B4GALT6: variants seen among roughly 807,000 people sequenced by gnomAD.
B4GALT6 encodes UDP-Gal:beta-GlcNAc beta-1,4-galactosyltransferase 6.
In B4GALT6, 14 loss-of-function variants were observed where a neutral mutation model predicts 46.3. The ratio of observed to expected loss-of-function variants is 0.30; its 90% CI spans 0.20 to 0.47. B4GALT6 has a LOEUF of 0.47. Ranked by LOEUF, B4GALT6 falls within the 20% of genes least tolerant of loss-of-function variation. The pLI is 0.99. For synonymous variants in B4GALT6, 168 were observed against 162.0 expected (o/e 1.04, Z -0.28); for missense variants, 386 against 480.1 (o/e 0.80, Z 1.83).
At chr18:31,651,606 C>T (rs2074068631) in intron 3 of B4GALT6, among the ~76,000 whole-genome samples, 1 of 152,082 alleles carries the variant, frequency 6.6e-6, no homozygotes, top group Admixed American at 6.5e-5. Flanking sequence ...CCTACCTCTC[C>T]ACCTCATCTC....
At chr18:31,719,605 T>A in the B4GALT6 span, among the ~76,000 whole-genome samples, 1 of 152,192 alleles carries the variant, frequency 6.6e-6, no homozygotes, top group Admixed American at 6.5e-5. Context: ...GAGTAATTCA[T>A]GCAGAGCCAG....
chr18:31,649,281 T>A (rs924201033), intron 3 of B4GALT6, among the ~76,000 whole-genome samples: 4 of 151,386 alleles, frequency 2.6e-5, no homozygotes. Context: ...CAAGTTTTCT[T>A]GAAGCAACCA....
intron 2 of B4GALT6, among the ~76,000 whole-genome samples, chr18:31,662,012 C>T (rs1005396381): frequency 6.6e-6 from 1 of 152,214 alleles, no homozygotes; most frequent in African/African-American, 2.4e-5. Context: ...AAGTGCTCGG[C>T]TCTCTAGACA....
the B4GALT6 span, among the ~76,000 whole-genome samples, chr18:31,717,491 C>A: frequency 6.5e-3 from 993 of 151,806 alleles, 12 homozygotes; most frequent in African/African-American, 0.023. Context: ...AAAACATATA[C>A]CTCAATAAAG....
At chr18:31,664,122 T>C (rs531118964) in intron 2 of B4GALT6, among the ~76,000 whole-genome samples, 15 of 152,248 alleles carry the variant, frequency 9.9e-5, no homozygotes, top group African/African-American at 3.6e-4. Context: ...TTGTTCTTCT[T>C]TGTTCTCGCT....
chr18:31,713,923 T>C, the B4GALT6 span, among the ~76,000 whole-genome samples: 2 of 152,188 alleles, frequency 1.3e-5, no homozygotes, highest in Non-Finnish European at 2.9e-5. Context: ...AAAACAGAAA[T>C]TCAAGTTTTC....
intron 3 of B4GALT6, among the ~76,000 whole-genome samples, chr18:31,653,974 T>G (rs981178752): frequency 6.6e-6 from 1 of 152,242 alleles, no homozygotes; most frequent in Non-Finnish European, 1.5e-5. Flanking sequence ...TTAGCATTAT[T>G]TGAGCTTTGC....
At chr18:31,658,324 A>C (rs145766623) in intron 2 of B4GALT6, 42 of 337,174 alleles carry the variant, frequency 1.2e-4, no homozygotes, top group African/African-American at 8.5e-4. Context: ...TTGCACACAG[A>C]CATGGCAGTC....
At chr18:31,666,811 T>A (rs1435060708) in intron 1 of B4GALT6, among the ~76,000 whole-genome samples, 1 of 152,112 alleles carries the variant, frequency 6.6e-6, no homozygotes, top group Non-Finnish European at 1.5e-5. Flanking sequence ...CCATAATATC[T>A]AGTAGGAATA....
rs534805061 is a variant in B4GALT6, at chr18:31,677,297, T to C, written c.115+7015A>G. ...ACATCCTTTAAGCTAACTCTCCTATTTCAACTGAGAAGGGGGTATTGCTGT... is the reference window on the plus strand; with the variant it reads ...ACATCCTTTAAGCTAACTCTCCTATCTCAACTGAGAAGGGGGTATTGCTGT... On this transcript the variant is annotated intron_variant, in intron 1 of 8. Coordinates refer to ENST00000306851, the MANE Select transcript of B4GALT6 (RefSeq NM_004775.5). Among the ~76,000 whole-genome samples, 11 of 152,310 alleles carry C rather than the reference T, an allele frequency of 7.2e-5. No individual in the cohort carries two copies. In the South Asian group the frequency reaches 2.3e-3, roughly 32 times the overall value.
the B4GALT6 span, among the ~76,000 whole-genome samples, chr18:31,696,062 A>G: frequency 6.6e-6 from 1 of 152,214 alleles, no homozygotes; most frequent in East Asian, 1.9e-4. Context: ...ACAGACACAC[A>G]ATCCCTGGGA....
chr18:31,718,432 T>C, the B4GALT6 span, among the ~76,000 whole-genome samples: 1 of 152,192 alleles, frequency 6.6e-6, no homozygotes, highest in Non-Finnish European at 1.5e-5. Context: ...GTTGACTTAT[T>C]TCTTTTATTT....
the B4GALT6 span, among the ~76,000 whole-genome samples, chr18:31,715,537 C>CTTT: frequency 2.8e-3 from 139 of 49,622 alleles, 16 homozygotes; most frequent in African/African-American, 9.4e-3. Context: ...CTGGAACTGT[C>CTTT]TTTTTTTTTT....
intron 5 of B4GALT6, among the ~76,000 whole-genome samples, chr18:31,634,227 G>A (rs981312885): frequency 4.6e-5 from 7 of 152,184 alleles, no homozygotes; most frequent in South Asian, 2.1e-4. Flanking sequence ...ACACAGGTGC[G>A]TCAGCACTCT....
At chr18:31,634,546 C>G (rs1432575651) in intron 5 of B4GALT6, among the ~76,000 whole-genome samples, 1 of 152,130 alleles carries the variant, frequency 6.6e-6, no homozygotes, top group Non-Finnish European at 1.5e-5. Flanking sequence ...CTGACTTAAC[C>G]GAAACGTGTG....
chr18:31,687,528 T>C (rs3810003), upstream of B4GALT6, among the ~76,000 whole-genome samples: 1,745 of 152,300 alleles, frequency 0.011, 48 homozygotes, highest in East Asian at 0.1. Flanking sequence ...TCAACTGATA[T>C]TTCCTCAGGA....
intron 2 of B4GALT6, among the ~76,000 whole-genome samples, chr18:31,663,778 C>A (rs2074247989): frequency 1.3e-5 from 2 of 152,172 alleles, no homozygotes; most frequent in South Asian, 4.1e-4. Context: ...ATGTTTCCAT[C>A]TCTCCCAGAG....
Position 31,625,039 on chromosome 18 carries a change from G to A in B4GALT6, c.*575C>T, listed in dbSNP as rs1270438822. The A allele has an allele frequency of 2.6e-5, 4 of 152,616 alleles. No individual in the cohort carries two copies. The highest frequency in any genetic ancestry group is 4.1e-4 in the South Asian group (2 of 4,830). 9.5% of individuals were successfully genotyped at this position (152,616 alleles called of 1,614,324 possible). A position where few individuals can be genotyped will look rare whatever the true frequency, so the allele number is the denominator to read the frequency against. On this transcript the variant is annotated 3_prime_UTR_variant, in exon 9 of 9. Transcript: ENST00000306851. ...TGACTTCTTCCACACAAAAGGCTGA[G>A]GTCTAAAGCTCAAAACTAGTATAAC... is the stretch of plus-strand genomic sequence containing the variant.
At chr18:31,649,909 A>G (rs1207324979) in intron 3 of B4GALT6, among the ~76,000 whole-genome samples, 1 of 152,252 alleles carries the variant, frequency 6.6e-6, no homozygotes, top group African/African-American at 2.4e-5. Flanking sequence ...ATTACTGTGT[A>G]AATATCCAAA....
Sources: allele counts gnomAD v4.1 joint callset (sites outside exome capture counted in the v4.1 genomes callset), GRCh38; gene constraint gnomAD v4.1.1; transcripts MANE v1.5; gene names NCBI Gene and HGNC (gene_info 2026-07-23, HGNC 2026-07-21).